Variants in CD247 observed in about 807,000 individuals in gnomAD.
CD247 encodes T-cell surface glycoprotein CD3 zeta chain.
In CD247, 13 loss-of-function variants were observed where a neutral mutation model predicts 30.0. The observed-to-expected ratio is 0.43, with a 90% CI of 0.28 to 0.69. CD247 has a LOEUF of 0.69. Ranked by LOEUF, CD247 falls within the 30% of genes least tolerant of loss-of-function variation. The pLI, the probability that CD247 is intolerant of heterozygous loss-of-function variation, is 0.16. For synonymous variants in CD247, 72 were observed against 80.0 expected (o/e 0.90, Z 0.53); for missense variants, 193 against 212.6 (o/e 0.91, Z 0.57).
rs1653940761 is a variant in CD247, at chr1:167,480,762, T to A, written c.58+37646A>T. On this transcript the variant is annotated intron_variant, in intron 1 of 7. Transcript: ENST00000362089. The stretch of plus-strand genomic sequence containing the variant: ...TATATTTATTTTTCTATGAAAACAG[T>A]TGAAAGCATTTTTATAATTTTGCTT... 3.3e-5 allele frequency among the ~76,000 whole-genome samples: 5 copies of A among 152,256 alleles called. No homozygotes were observed. In the South Asian group the frequency reaches 1.0e-3, roughly 31 times the overall value.
rs1571610355 is a variant in CD247 at position 167,516,931 on chromosome 1, G to C, written c.58+1477C>G. 2.0e-5 allele frequency among the ~76,000 whole-genome samples: 3 copies of C among 152,258 alleles called. No homozygotes were observed. In the East Asian group the frequency reaches 5.8e-4, roughly 29 times the overall value. On this transcript the variant is annotated intron_variant, in intron 1 of 7. Coordinates refer to ENST00000362089, the MANE Select transcript of CD247 (RefSeq NM_198053.3). ...GGTCTCTCCAAGCCGAACACAAATG[G>C]ACCAGTGAGGAAACTGCAGGTAAAG...
intron 4 of CD247, among the ~76,000 whole-genome samples, chr1:167,436,455 A>G (rs1651547127): frequency 6.6e-6 from 1 of 152,218 alleles, no homozygotes; most frequent in Non-Finnish European, 1.5e-5. Context: ...CAATATAGTA[A>G]CATAGGTCCC....
chr1:167,511,183 C>T (rs1655371955), intron 1 of CD247, among the ~76,000 whole-genome samples: 1 of 152,200 alleles, frequency 6.6e-6, no homozygotes, highest in African/African-American at 2.4e-5. Flanking sequence ...AATCTCAATT[C>T]AGAGTCTGTG....
In CD247 at chr1:167,518,520, C is replaced by T; in HGVS notation, c.-55G>A. The T allele has an allele frequency of 5.3e-6, 8 of 1,516,186 alleles. No homozygotes were observed. Among genetic ancestry groups the T allele is most frequent in the South Asian group, 2.2e-5 (2 of 89,094 alleles). 93.9% of individuals were successfully genotyped at this position (1,516,186 alleles called of 1,614,324 possible). A position where few individuals can be genotyped will look rare whatever the true frequency, so the allele number is the denominator to read the frequency against. On this transcript the variant is annotated 5_prime_UTR_variant, in exon 1 of 8. Transcript: ENST00000362089. ...AGGCAGAGGCTGAGGCAGCGGTGGC[C>T]GGGACGGTTAGGAGAAAAGGAGTCT...
chr1:167,447,963 T>C (rs1192273716), intron 1 of CD247, among the ~76,000 whole-genome samples: 1 of 16,136 alleles, frequency 6.2e-5, no homozygotes, highest in Non-Finnish European at 1.3e-4. Context: ...GCAGCAGCTA[T>C]GGGTGGGGGG....
intron 7 of CD247, among the ~76,000 whole-genome samples, chr1:167,432,241 G>A (rs12724470): frequency 0.015 from 2,211 of 152,322 alleles, 28 homozygotes; most frequent in South Asian, 0.028. Flanking sequence ...TCCCAGGCCC[G>A]GTGATTCTAG....
In CD247 at chr1:167,447,559, C is replaced by G. The variant is rs1652146224; in HGVS notation, c.59-6792G>C. 2.0e-5 allele frequency among the ~76,000 whole-genome samples: 3 copies of G among 152,310 alleles called. No individual in the cohort carries two copies. The South Asian group carries it at 6.2e-4, about 32-fold the overall frequency. On this transcript the variant is annotated intron_variant, in intron 1 of 7. Transcript: ENST00000362089. ...GCAGCCTTTCAAACCTCACCCCCGT[C>G]CAGCTTGTTTCCACTTTGATAGGAA... is the stretch of plus-strand genomic sequence containing the variant.
rs149658128 is a variant in CD247 at position 167,452,077 on chromosome 1, T to C, written c.59-11310A>G. On this transcript the variant is annotated intron_variant, in intron 1 of 7. Transcript: ENST00000362089. ...GTCTCTACCGAAAATACAGAAAAATTAGCCAGGTGTGGTGGTAGGCACTTG... is the reference window on the plus strand; with the variant it reads ...GTCTCTACCGAAAATACAGAAAAATCAGCCAGGTGTGGTGGTAGGCACTTG... 3.8e-4 allele frequency among the ~76,000 whole-genome samples: 58 copies of C among 152,270 alleles called. No individual in the cohort carries two copies. The East Asian group carries it at 0.011, about 28-fold the overall frequency.
intron 1 of CD247, among the ~76,000 whole-genome samples, chr1:167,483,857 C>T (rs1041775361): frequency 2.5e-4 from 38 of 152,242 alleles, no homozygotes; most frequent in African/African-American, 8.7e-4. Flanking sequence ...AAGGGGTTCC[C>T]CTCCCCACTC....
chr1:167,467,128 G>A (rs1340573017), intron 1 of CD247, among the ~76,000 whole-genome samples: 7 of 152,214 alleles, frequency 4.6e-5, no homozygotes, highest in Admixed American at 1.3e-4. Context: ...GTGAGCCACC[G>A]CGCCCGGCCC....
rs1166108865 is a variant in CD247 at position 167,434,089 on chromosome 1, G to T, written c.337-13C>A. ...CTTTCTGCAGTTCCTGCAGAAGAGG[G>T]CGTGGAACACTGATTTTTACCAACT... On this transcript the variant is annotated splice_polypyrimidine_tract_variant and intron_variant, in intron 5 of 7. Coordinates refer to ENST00000362089, the MANE Select transcript of CD247 (RefSeq NM_198053.3). 1 of 1,612,916 alleles carries T rather than the reference G, an allele frequency of 6.2e-7. No homozygotes were observed. Among genetic ancestry groups the T allele is most frequent in the Non-Finnish European group, 8.5e-7 (1 of 1,178,856 alleles).
intron 1 of CD247, among the ~76,000 whole-genome samples, chr1:167,511,199 C>T (rs547456538): frequency 7.7e-4 from 117 of 152,312 alleles, no homozygotes; most frequent in African/African-American, 2.6e-3. Flanking sequence ...CTGTGCGTGA[C>T]GGTGTGCTGT....
At chr1:167,438,121 C>G (rs1028919082) in intron 4 of CD247, among the ~76,000 whole-genome samples, 1 of 152,134 alleles carries the variant, frequency 6.6e-6, no homozygotes. Flanking sequence ...TGCTCCCCTA[C>G]CCACAGGTAT....
intron 1 of CD247, among the ~76,000 whole-genome samples, chr1:167,477,814 C>T (rs1232803264): frequency 6.6e-6 from 1 of 152,218 alleles, no homozygotes; most frequent in East Asian, 1.9e-4. Flanking sequence ...CAGGTGTGAG[C>T]CACTGTGCCT....
chr1:167,500,842 T>C (rs1654869062), intron 1 of CD247, among the ~76,000 whole-genome samples: 1 of 152,214 alleles, frequency 6.6e-6, no homozygotes, highest in Non-Finnish European at 1.5e-5. Flanking sequence ...TGATTTTTGT[T>C]TTAAGCTCAG....
intron 1 of CD247, among the ~76,000 whole-genome samples, chr1:167,488,774 C>G (rs60233291): frequency 0.029 from 4,351 of 152,308 alleles, 79 homozygotes; most frequent in Middle Eastern, 0.095. Flanking sequence ...AAAATATTCT[C>G]TCTGATGGAG....
chr1:167,436,095 A>G (rs567273930), intron 4 of CD247, among the ~76,000 whole-genome samples: 9 of 152,214 alleles, frequency 5.9e-5, no homozygotes, highest in African/African-American at 9.7e-5. Flanking sequence ...AAATTTAACA[A>G]CACATTAAAA....
Position 167,494,719 on chromosome 1 carries a change from T to C in CD247, c.58+23689A>G, listed in dbSNP as rs966715352. Among the ~76,000 whole-genome samples the C allele has an allele frequency of 2.6e-5, 4 of 152,224 alleles. No homozygotes were observed. The highest frequency in any genetic ancestry group is 4.1e-4 in the South Asian group (2 of 4,836). ...GAGTAGTGCATTCCTCGGCATTTTG[T>C]ATCTCCTATAATTCCTGGATACAGA... On this transcript the variant is annotated intron_variant, in intron 1 of 7. Coordinates refer to ENST00000362089, the MANE Select transcript of CD247 (RefSeq NM_198053.3). This position sits in a 1 kb window ranked among gnomAD's most constrained non-coding sequence, Gnocchi z 7.3.
chr1:167,472,391 T>G (rs1334189265), intron 1 of CD247, among the ~76,000 whole-genome samples: 1 of 152,218 alleles, frequency 6.6e-6, no homozygotes, highest in African/African-American at 2.4e-5. Flanking sequence ...TTAGGAAGTG[T>G]TTTAGGCTGC....
Sources: gnomAD v4.1 joint callset for allele counts (sites outside exome capture counted in the v4.1 genomes callset) on GRCh38, gnomAD v4.1.1 for gene constraint, Gnocchi (gnomAD v3.1) non-coding constraint, MANE v1.5 for transcripts, NCBI Gene and HGNC (gene_info 2026-07-23, HGNC 2026-07-21) for gene names.